The following TUB variants were observed in gnomAD, a reference collection of about 807,000 sequenced individuals.
TUB encodes the protein tubby protein homolog.
In TUB, 33 loss-of-function variants were observed where a neutral mutation model predicts 59.7. The ratio of observed to expected loss-of-function variants is 0.55; its 90% CI spans 0.42 to 0.74. The LOEUF is 0.74. Among genes scored for constraint, TUB ranks in the 30% least tolerant of loss-of-function variants. The probability of loss-of-function intolerance (pLI) is 0.00; values close to 1 mark genes in which losing one functional copy is unlikely to be tolerated. For missense variants in TUB, 659 were observed against 672.0 expected (o/e 0.98, Z 0.21); for synonymous variants, 293 against 256.4 (o/e 1.14, Z -1.36).
chr11:8,058,228 A>AG (rs904764675), intron 2 of TUB, among the ~76,000 whole-genome samples: 21 of 151,910 alleles, frequency 1.4e-4, no homozygotes, highest in Non-Finnish European at 1.0e-4. Flanking sequence ...ATTAAAAAAA[A>AG]AAAAAAAAAG....
intron 1 of TUB, among the ~76,000 whole-genome samples, chr11:8,025,076 G>A (rs1244910130): frequency 1.3e-5 from 2 of 152,180 alleles, no homozygotes; most frequent in African/African-American, 4.8e-5. Flanking sequence ...CAACATTTTA[G>A]GCAGTGGAGA....
intron 2 of TUB, chr11:8,069,281 CAT>C (rs1943310419): frequency 1.3e-5 from 2 of 152,094 alleles, no homozygotes; most frequent in Non-Finnish European, 1.5e-5. Flanking sequence ...AGCCCAGTCT[CAT>C]AGCTCTGGAA....
At chr11:8,041,622 C>T (rs1881233) in intron 2 of TUB, among the ~76,000 whole-genome samples, 28,424 of 151,920 alleles carry the variant, frequency 0.19, 3,058 homozygotes, top group African/African-American at 0.29. Context: ...ATGCATTCTG[C>T]CTCCCATATC....
At chr11:8,030,336 T>C (rs1942552510) in intron 1 of TUB, among the ~76,000 whole-genome samples, 1 of 152,224 alleles carries the variant, frequency 6.6e-6, no homozygotes, top group African/African-American at 2.4e-5. Context: ...TATCTGTTGA[T>C]ACTTACTGCC....
chr11:8,040,905 CT>C (rs1331439361), intron 2 of TUB, among the ~76,000 whole-genome samples: 1 of 152,242 alleles, frequency 6.6e-6, no homozygotes, highest in African/African-American at 2.4e-5. Context: ...CATCCAACCC[CT>C]TGTGTAACAG....
chr11:8,102,601 C>G lies in TUB; in HGVS notation c.*982C>G, dbSNP rs17847550. The G allele has an allele frequency of 6.6e-6, 1 of 151,066 alleles. No individual in the cohort carries two copies. Among genetic ancestry groups the G allele is most frequent in the African/African-American group, 2.4e-5 (1 of 41,210 alleles). 9.4% of individuals were successfully genotyped at this position (151,066 alleles called of 1,614,324 possible). The stretch of plus-strand genomic sequence containing the variant: ...ATGGCATGCTCCTTGAAGAATCTCT[C>G]CTCTCTCTCTCTCTCTGGAAAGACC... On this transcript the variant is annotated 3_prime_UTR_variant, in exon 12 of 12. Coordinates refer to ENST00000299506, the MANE Select transcript of TUB (RefSeq NM_177972.3).
Position 8,026,487 on chromosome 11 carries a change from G to A in TUB, c.56+7129G>A, listed in dbSNP as rs551154918. Among the ~76,000 whole-genome samples the A allele has an allele frequency of 5.6e-5, 8 of 143,852 alleles. No individual in the cohort carries two copies. In the South Asian group the frequency reaches 1.6e-3, roughly 29 times the overall value. 94.4% of individuals were successfully genotyped at this position (143,852 alleles called of 152,430 possible). On this transcript the variant is annotated intron_variant, in intron 1 of 11. Transcript: ENST00000534099. The stretch of plus-strand genomic sequence containing the variant: ...ATGAGATTCATTAAAAAAAAAAATG[G>A]GTATCTAATTGTTCCAGCAGCATTC...
chr11:8,046,036 G>A (rs1245284375), intron 2 of TUB, among the ~76,000 whole-genome samples: 1 of 152,092 alleles, frequency 6.6e-6, no homozygotes, highest in Non-Finnish European at 1.5e-5. Flanking sequence ...CAGAGATAAG[G>A]GAAGCCCTCT....
At chr11:8,033,761 C>G (rs906438232), upstream of TUB, among the ~76,000 whole-genome samples, 1 of 152,238 alleles carries the variant, frequency 6.6e-6, no homozygotes, top group African/African-American at 2.4e-5. Flanking sequence ...CATAGTTTGT[C>G]TGGTGAATGC....
At chr11:8,096,615 G>C in intron 5 of TUB, 70 bp from the exon 6 acceptor site, 3 of 1,024,706 alleles carry the variant, frequency 2.9e-6, no homozygotes, top group Middle Eastern at 4.1e-4. Context: ...ATGAGTATGT[G>C]ACCATGTGTA....
chr11:8,048,486 A>G (rs927751995), intron 2 of TUB, among the ~76,000 whole-genome samples: 3 of 146,066 alleles, frequency 2.1e-5, no homozygotes, highest in Admixed American at 2.0e-4. Flanking sequence ...ACTGCAGCCC[A>G]GAAGTCCTGG....
intron 2 of TUB, among the ~76,000 whole-genome samples, chr11:8,043,410 T>C (rs999152455): frequency 6.6e-6 from 1 of 152,182 alleles, no homozygotes; most frequent in African/African-American, 2.4e-5. Flanking sequence ...TCTGTATCCC[T>C]TAATTTTTTC....
chr11:8,065,822 T>C (rs1047793286), intron 2 of TUB, among the ~76,000 whole-genome samples: 1 of 152,188 alleles, frequency 6.6e-6, no homozygotes, highest in African/African-American at 2.4e-5. Context: ...CTCGATTTCC[T>C]TATCTGAAAA....
At chr11:8,079,154 C>G (rs1304068450), upstream of TUB, among the ~76,000 whole-genome samples, 1 of 152,126 alleles carries the variant, frequency 6.6e-6, no homozygotes, top group African/African-American at 2.4e-5. Flanking sequence ...TTTAAGGTGT[C>G]AGGTAATTTG....
chr11:8,035,101 C>T (rs983298067), upstream of TUB, among the ~76,000 whole-genome samples: 4 of 152,224 alleles, frequency 2.6e-5, no homozygotes, highest in African/African-American at 7.2e-5. Context: ...AAGACATTGA[C>T]CTCAAGTGCA....
intron 2 of TUB, among the ~76,000 whole-genome samples, chr11:8,051,280 T>C (rs546662426): frequency 5.6e-4 from 86 of 152,342 alleles, no homozygotes; most frequent in African/African-American, 1.8e-3. Flanking sequence ...GTAAACTGTT[T>C]TGTCATCTAA....
intron 8 of TUB, among the ~76,000 whole-genome samples, chr11:8,098,171 G>T (rs146650758): frequency 5.3e-5 from 8 of 152,088 alleles, no homozygotes; most frequent in Admixed American, 2.6e-4. Flanking sequence ...CTGAGAGTGA[G>T]CTCTTGAGGG....
chr11:8,078,507 T>G, upstream of TUB, among the ~76,000 whole-genome samples: 1 of 152,120 alleles, frequency 6.6e-6, no homozygotes. Flanking sequence ...CTGGAGTAGC[T>G]TTTTGATGGA....
rs528006562 is a variant in TUB at position 8,029,184 on chromosome 11, G to A, written c.56+9826G>A. On this transcript the variant is annotated intron_variant, in intron 1 of 11. Coordinates refer to the TUB transcript ENST00000534099. ...CTTCTTGTGGCTTTTTTCTGGCCCC[G>A]GGTTCCCAAACAAAGCATGCAGTTG... 1.1e-3 allele frequency among the ~76,000 whole-genome samples: 166 copies of A among 152,148 alleles called. 1 individual carries two copies. The highest frequency in any genetic ancestry group is 1.9e-3 in the Non-Finnish European group (131 of 68,004).
Sources: gnomAD v4.1 joint callset for allele counts (sites outside exome capture counted in the v4.1 genomes callset) on GRCh38, gnomAD v4.1.1 for gene constraint, MANE v1.5 for transcripts, NCBI Gene and HGNC (gene_info 2026-07-23, HGNC 2026-07-21) for gene names.